C12orf42: variants seen among roughly 807,000 people sequenced by gnomAD.
C12orf42 encodes the protein uncharacterized protein C12orf42.
A neutral mutation model predicts 21.6 loss-of-function variants in C12orf42; 25 were observed. The ratio of observed to expected loss-of-function variants is 1.16; its 90% CI spans 0.84 to 1.62. The LOEUF (loss-of-function observed/expected upper bound fraction) is 1.62, where lower values mean the gene tolerates loss of function less well. C12orf42 is among the 40% of genes most tolerant of loss of function. The pLI is 0.00. For missense variants in C12orf42, 483 were observed against 459.3 expected, an observed-to-expected ratio of 1.05 and a Z score of -0.47; for synonymous variants, 174 against 175.0, an observed-to-expected ratio of 0.99 and a Z score of 0.05.
intron 4 of C12orf42, among the ~76,000 whole-genome samples, chr12:103,310,135 G>C (rs1593373567): frequency 6.6e-6 from 1 of 152,202 alleles, no homozygotes; most frequent in African/African-American, 2.4e-5. Flanking sequence ...GGATAATGGG[G>C]ACAGATTTCT....
chr12:103,453,969 C>T (rs1952121851), intron 2 of C12orf42, among the ~76,000 whole-genome samples: 1 of 152,008 alleles, frequency 6.6e-6, no homozygotes, highest in African/African-American at 2.4e-5. Flanking sequence ...ATTTTAAACA[C>T]CTGGATAATT....
intron 2 of C12orf42, among the ~76,000 whole-genome samples, chr12:103,460,552 C>G (rs1952630098): frequency 6.6e-6 from 1 of 152,144 alleles, no homozygotes; most frequent in South Asian, 2.1e-4. Context: ...TCCAGTACTG[C>G]TTTTCTGTGC....
rs1311751499 is a variant in C12orf42, at chr12:103,409,033, C to T, written c.79-7358G>A. Among the ~76,000 whole-genome samples the T allele has an allele frequency of 2.6e-5, 4 of 152,072 alleles. No homozygotes were observed. The East Asian group carries it at 7.7e-4, about 29-fold the overall frequency. On this transcript the variant is annotated intron_variant, in intron 2 of 5. Transcript: ENST00000548883. Reference sequence around the variant, plus strand: ...AGAGAGTTAGGGTTTTAGTTAACCGCATATTTCATGTTTTATCATGGTTAC... The same window carrying T: ...AGAGAGTTAGGGTTTTAGTTAACCGTATATTTCATGTTTTATCATGGTTAC...
the C12orf42 span, among the ~76,000 whole-genome samples, chr12:103,166,084 G>A: frequency 2.0e-5 from 3 of 151,300 alleles, no homozygotes; most frequent in Non-Finnish European, 2.9e-5. Context: ...AGAGAAGGAA[G>A]GAAGGAAGGA....
At chr12:103,420,180 A>T (rs2049754169) in intron 2 of C12orf42, among the ~76,000 whole-genome samples, 1 of 152,228 alleles carries the variant, frequency 6.6e-6, no homozygotes, top group African/African-American at 2.4e-5. Flanking sequence ...ATTATATTAT[A>T]GATATTTTCT....
At chr12:103,525,314 GCCACCACA>G in the C12orf42 span, among the ~76,000 whole-genome samples, 1 of 152,138 alleles carries the variant, frequency 6.6e-6, no homozygotes, top group Non-Finnish European at 1.5e-5. Flanking sequence ...ACAGACATGA[GCCACCACA>G]CCTGGCTATG....
chr12:103,552,234 G>T, the C12orf42 span, among the ~76,000 whole-genome samples: 1 of 152,156 alleles, frequency 6.6e-6, no homozygotes, highest in African/African-American at 2.4e-5. Flanking sequence ...GTGATATGAA[G>T]ACTGACTCAC....
intron 4 of C12orf42, among the ~76,000 whole-genome samples, chr12:103,327,191 C>T (rs1042080039): frequency 7.9e-5 from 12 of 152,132 alleles, no homozygotes; most frequent in African/African-American, 2.9e-4. Flanking sequence ...ACCCCTGTGC[C>T]TCGAGTTTCT....
At chr12:103,561,057 T>A in the C12orf42 span, among the ~76,000 whole-genome samples, 1 of 152,130 alleles carries the variant, frequency 6.6e-6, no homozygotes, top group Non-Finnish European at 1.5e-5. Context: ...TCAGGCCCTA[T>A]CCCAGCATAT....
chr12:103,294,442 G>GAAAGAAAA (rs2037042379), intron 4 of C12orf42, among the ~76,000 whole-genome samples: 1 of 109,948 alleles, frequency 9.1e-6, no homozygotes, highest in Non-Finnish European at 1.8e-5. Flanking sequence ...AAGAAAGAAA[G>GAAAGAAAA]AAAGAAAGAA....
At chr12:103,478,833 T>C (rs1592982670) in intron 1 of C12orf42, among the ~76,000 whole-genome samples, 1 of 152,116 alleles carries the variant, frequency 6.6e-6, no homozygotes, top group East Asian at 1.9e-4. Flanking sequence ...TCTAATCATT[T>C]CCAAAGTATA....
chr12:103,278,846 C>A (rs1004851583), intron 4 of C12orf42, among the ~76,000 whole-genome samples: 5 of 152,188 alleles, frequency 3.3e-5, no homozygotes, highest in Admixed American at 2.6e-4. Flanking sequence ...ACCTGACAGC[C>A]AAGTTTTGAT....
intron 4 of C12orf42, among the ~76,000 whole-genome samples, chr12:103,329,683 C>A (rs1295811306): frequency 2.0e-5 from 3 of 148,836 alleles, no homozygotes; most frequent in Non-Finnish European, 4.4e-5. Flanking sequence ...AACACAAAGG[C>A]TTTTAGTTTC....
chr12:103,417,852 A>T (rs2049503256), intron 2 of C12orf42, among the ~76,000 whole-genome samples: 1 of 152,208 alleles, frequency 6.6e-6, no homozygotes, highest in African/African-American at 2.4e-5. Flanking sequence ...GAATGTATGC[A>T]GGAGTCAATG....
chr12:103,238,991 G>A (rs1207044947), intron 10 of C12orf42, among the ~76,000 whole-genome samples: 1 of 152,190 alleles, frequency 6.6e-6, no homozygotes, highest in Non-Finnish European at 1.5e-5. Flanking sequence ...CTGGGCCATT[G>A]GGCTTGCACT....
At chr12:103,501,159 C>G in the C12orf42 span, among the ~76,000 whole-genome samples, 1 of 152,162 alleles carries the variant, frequency 6.6e-6, no homozygotes, top group South Asian at 2.1e-4. Flanking sequence ...CCCTGTGGGC[C>G]GATGGGCCTT....
At chr12:103,506,578 C>G in the C12orf42 span, among the ~76,000 whole-genome samples, 2 of 151,092 alleles carry the variant, frequency 1.3e-5, no homozygotes, top group Non-Finnish European at 2.9e-5. Context: ...ACATGTTGTG[C>G]AGGTTTGTAG....
the C12orf42 span, among the ~76,000 whole-genome samples, chr12:103,544,517 T>C: frequency 6.6e-6 from 1 of 152,180 alleles, no homozygotes; most frequent in Non-Finnish European, 1.5e-5. Context: ...TTGGGATGGA[T>C]TGGATCCCTA....
Position 103,294,389 on chromosome 12 carries a change from A to AAAAGAAAGAAAGAAAG in C12orf42, n.338-17195_338-17180dup, listed in dbSNP as rs10579611. 4.8e-3 allele frequency among the ~76,000 whole-genome samples: 571 copies of AAAAGAAAGAAAGAAAG among 118,776 alleles called. 18 individuals are homozygous for AAAAGAAAGAAAGAAAG. In the East Asian group the frequency reaches 0.086, roughly 18 times the overall value. The allele number at this position is 118,776 out of a possible 152,430, so 77.9% of individuals were successfully genotyped here. A position where few individuals can be genotyped will look rare whatever the true frequency, so the allele number is the denominator to read the frequency against. On this transcript the variant is annotated intron_variant and non_coding_transcript_variant, in intron 4 of 6. Coordinates refer to the C12orf42 transcript ENST00000546526. The stretch of plus-strand genomic sequence containing the variant: ...AAAGAAAGAGAAAGAAGAAAGAAGA[A>AAAAGAAAGAAAGAAAG]AAAGAAAGAAAGAAAGAAAGAAAGA...
Sources: allele counts gnomAD v4.1 joint callset (sites outside exome capture counted in the v4.1 genomes callset), GRCh38; gene constraint gnomAD v4.1.1; transcripts MANE v1.5; gene names NCBI Gene and HGNC (gene_info 2026-07-23, HGNC 2026-07-21).